The following SLC14A2 variants were observed in gnomAD, a reference collection of about 807,000 sequenced individuals.
SLC14A2 encodes solute carrier family 14 member 2.
SLC14A2 carries 91 observed loss-of-function variants against 104.6 expected under a neutral mutation model. The ratio of observed to expected loss-of-function variants is 0.87; its 90% CI spans 0.73 to 1.04. SLC14A2 has a LOEUF of 1.04. Among genes scored for constraint, SLC14A2 ranks in the 50% least tolerant of loss-of-function variants. The pLI is 0.00. For missense variants in SLC14A2, 1,189 were observed against 1,156.0 expected, an observed-to-expected ratio of 1.03 and a Z score of -0.41; for synonymous variants, 476 against 466.4, an observed-to-expected ratio of 1.02 and a Z score of -0.27.
chr18:45,284,929 C>T (rs1000094372), intron 1 of SLC14A2, among the ~76,000 whole-genome samples: 1 of 152,028 alleles, frequency 6.6e-6, no homozygotes, highest in Non-Finnish European at 1.5e-5. Flanking sequence ...ATTTGCATGG[C>T]CTGTTCAGAA....
At chr18:45,669,104 A>G (rs945629920) in intron 15 of SLC14A2, among the ~76,000 whole-genome samples, 1 of 152,224 alleles carries the variant, frequency 6.6e-6, no homozygotes, top group African/African-American at 2.4e-5. Context: ...CTTCTTCTGA[A>G]GTTGAGTCTG....
intron 1 of SLC14A2, among the ~76,000 whole-genome samples, chr18:45,324,989 T>A (rs2085220828): frequency 6.6e-6 from 1 of 152,162 alleles, no homozygotes; most frequent in Non-Finnish European, 1.5e-5. Context: ...CATAAGGTCA[T>A]CCCAGTCTAG....
intron 1 of SLC14A2, among the ~76,000 whole-genome samples, chr18:45,467,266 G>A (rs2087161116): frequency 6.6e-6 from 1 of 152,160 alleles, no homozygotes; most frequent in African/African-American, 2.4e-5. Context: ...AAAACCCAGG[G>A]GTGGGAGCTG....
intron 10 of SLC14A2, chr18:45,646,032 G>A (rs1024613286): frequency 6.6e-6 from 1 of 152,268 alleles, no homozygotes; most frequent in African/African-American, 2.4e-5. Context: ...AGCATGACTG[G>A]AATCAGGAGG....
At chr18:45,464,812 G>A (rs1375695578) in intron 1 of SLC14A2, among the ~76,000 whole-genome samples, 10 of 152,184 alleles carry the variant, frequency 6.6e-5, no homozygotes, top group South Asian at 2.1e-4. Context: ...GCCCTGAGCC[G>A]TGGGGTGGTA....
At chr18:45,298,517 C>T (rs1055953714) in intron 1 of SLC14A2, among the ~76,000 whole-genome samples, 22 of 152,136 alleles carry the variant, frequency 1.4e-4, no homozygotes, top group Non-Finnish European at 1.2e-4. Context: ...TCCTTGAGGC[C>T]CCTTTAGCCC....
chr18:45,306,375 T>C (rs2085021319), intron 1 of SLC14A2, among the ~76,000 whole-genome samples: 1 of 152,170 alleles, frequency 6.6e-6, no homozygotes, highest in African/African-American at 2.4e-5. Context: ...ATCTTCAACA[T>C]TTTTCTGTAA....
chr18:45,294,324 A>G (rs900615678), intron 1 of SLC14A2, among the ~76,000 whole-genome samples: 2 of 152,226 alleles, frequency 1.3e-5, no homozygotes, highest in Non-Finnish European at 2.9e-5. Flanking sequence ...TACTTCTCTT[A>G]ACTTCTAAAT....
At chr18:45,194,374 T>A in the SLC14A2 span, among the ~76,000 whole-genome samples, 2 of 152,238 alleles carry the variant, frequency 1.3e-5, no homozygotes, top group Non-Finnish European at 1.5e-5. Flanking sequence ...CCTCTTCTAT[T>A]CCTAATTTAT....
intron 1 of SLC14A2, among the ~76,000 whole-genome samples, chr18:45,299,577 T>C (rs2084948738): frequency 6.6e-6 from 1 of 152,210 alleles, no homozygotes; most frequent in Non-Finnish European, 1.5e-5. Flanking sequence ...TTCTCCTGCC[T>C]CAGTCTCCCA....
intron 2 of SLC14A2, among the ~76,000 whole-genome samples, chr18:45,601,607 A>G (rs2044792365): frequency 6.6e-6 from 1 of 152,208 alleles, no homozygotes; most frequent in African/African-American, 2.4e-5. Flanking sequence ...CTATCTTTTC[A>G]GTCCAACTGG....
intron 1 of SLC14A2, among the ~76,000 whole-genome samples, chr18:45,478,312 A>G (rs2087424094): frequency 6.6e-6 from 1 of 152,144 alleles, no homozygotes; most frequent in Non-Finnish European, 1.5e-5. Context: ...AATGGGCTGG[A>G]TCCACTGTCT....
intron 1 of SLC14A2, chr18:45,440,598 T>G (rs1026605234): frequency 2.0e-5 from 3 of 152,222 alleles, no homozygotes; most frequent in African/African-American, 7.2e-5. Context: ...AGTGTGTTCC[T>G]GACTTAGTAG....
At chr18:45,211,162 T>C (rs899564717), upstream of SLC14A2, among the ~76,000 whole-genome samples, 17 of 152,204 alleles carry the variant, frequency 1.1e-4, no homozygotes, top group African/African-American at 4.1e-4. Flanking sequence ...CCATCCAGTT[T>C]TGGAGTGCCA....
intron 1 of SLC14A2, among the ~76,000 whole-genome samples, chr18:45,297,295 C>T (rs998235706): frequency 2.0e-5 from 3 of 152,186 alleles, no homozygotes; most frequent in African/African-American, 4.8e-5. Context: ...TCAGTGTAAT[C>T]ATCATCTTTT....
At chr18:45,650,402 C>T (rs1377524593) in intron 10 of SLC14A2, among the ~76,000 whole-genome samples, 1 of 152,086 alleles carries the variant, frequency 6.6e-6, no homozygotes, top group Non-Finnish European at 1.5e-5. Context: ...AAGCTTCTGC[C>T]CATTCCCCTT....
intron 10 of SLC14A2, among the ~76,000 whole-genome samples, chr18:45,650,826 A>C (rs1599122514): frequency 6.6e-6 from 1 of 151,356 alleles, no homozygotes; most frequent in Non-Finnish European, 1.5e-5. Context: ...TGAAACCTCC[A>C]CCTCCCAGGT....
chr18:45,336,887 C>T (rs1383343956), intron 1 of SLC14A2, among the ~76,000 whole-genome samples: 1 of 152,076 alleles, frequency 6.6e-6, no homozygotes, highest in African/African-American at 2.4e-5. Flanking sequence ...ATTGATTGAC[C>T]AGCAAGTATT....
At chr18:45,666,862 G>A (rs2046033331) in intron 12 of SLC14A2, 73 bp from the exon 13 acceptor site, 1 of 1,317,264 alleles carries the variant, frequency 7.6e-7, no homozygotes, top group Non-Finnish European at 1.1e-6. Context: ...GTCCCTGAGT[G>A]ACCACAAACA....
Sources: gnomAD v4.1 joint callset for allele counts (sites outside exome capture counted in the v4.1 genomes callset) on GRCh38, gnomAD v4.1.1 for gene constraint, MANE v1.5 for transcripts, NCBI Gene and HGNC (gene_info 2026-07-23, HGNC 2026-07-21) for gene names.